The following CIBAR1 variants were observed in gnomAD, a reference collection of about 807,000 sequenced individuals.
CIBAR1 encodes CBY1-interacting BAR domain-containing protein 1.
CIBAR1 carries 25 observed loss-of-function variants against 44.0 expected under a neutral mutation model. The observed-to-expected ratio is 0.57, with a 90% CI of 0.41 to 0.79. The LOEUF is 0.79. CIBAR1 is among the 30% of genes least tolerant of loss of function. CIBAR1 has a pLI of 0.00. For synonymous variants in CIBAR1, 115 were observed against 119.0 expected, an observed-to-expected ratio of 0.97 and a Z score of 0.22; for missense variants, 278 against 344.8, an observed-to-expected ratio of 0.81 and a Z score of 1.53.
intron 5 of CIBAR1, among the ~76,000 whole-genome samples, chr8:93,709,272 C>T (rs1436751300): frequency 6.6e-6 from 1 of 151,904 alleles, no homozygotes; most frequent in East Asian, 1.9e-4. Context: ...AAGAGCAAAA[C>T]TCTATCTCAA....
At chr8:93,724,017 C>T (rs1198623873) in intron 7 of CIBAR1, among the ~76,000 whole-genome samples, 1 of 152,028 alleles carries the variant, frequency 6.6e-6, no homozygotes, top group East Asian at 1.9e-4. Context: ...GGATTGCTTG[C>T]GGCCAGGAGT....
chr8:93,715,176 A>G (rs1405356905), intron 6 of CIBAR1, among the ~76,000 whole-genome samples: 3 of 152,248 alleles, frequency 2.0e-5, no homozygotes, highest in African/African-American at 7.2e-5. Flanking sequence ...ATCGGCTGGC[A>G]TAGAACTTAG....
At position 93,705,010 on chromosome 8, in the gene CIBAR1, T is replaced by C; in HGVS notation, c.432T>C (p.Ile144=). The change falls in exon 4 of 9, where the codon ATT becomes ATC. Residue 144 remains isoleucine, a splice_region_variant and synonymous_variant. Coordinates refer to ENST00000518322, the MANE Select transcript of CIBAR1 (RefSeq NM_145269.5). ...GAAACCCATCTGATCGACATGTTAT[T>C]GTATCCTTTGAATTTGGGTCTTTAA... ...RQRNPSDRHV[I]SQAETELQRA... 2 of 1,607,356 alleles carry C rather than the reference T, an allele frequency of 1.2e-6. No homozygotes were observed. The highest frequency in any genetic ancestry group is 1.7e-6 in the Non-Finnish European group (2 of 1,174,554).
At chr8:93,727,310 T>G in intron 8 of CIBAR1, 1 of 708,762 alleles carries the variant, frequency 1.4e-6, no homozygotes, top group Non-Finnish European at 2.0e-6. Context: ...TTGTTTTATA[T>G]GTATGTATCT....
At chr8:93,701,674 T>G (rs1191372845) in intron 2 of CIBAR1, 1 of 543,890 alleles carries the variant, frequency 1.8e-6, no homozygotes, top group Non-Finnish European at 3.2e-6. Flanking sequence ...CATCTTGAGG[T>G]CTTGAATTTC....
chr8:93,716,890 C>G (rs1016743020), intron 6 of CIBAR1, among the ~76,000 whole-genome samples: 6 of 152,172 alleles, frequency 3.9e-5, no homozygotes, highest in African/African-American at 1.4e-4. Context: ...ATATCCTATA[C>G]GCTGGAGAGC....
chr8:93,722,638 G>A (rs1811310968), intron 7 of CIBAR1, among the ~76,000 whole-genome samples: 3 of 152,122 alleles, frequency 2.0e-5, no homozygotes, highest in African/African-American at 7.2e-5. Flanking sequence ...GGCAGAGGTT[G>A]CAGTGAGCTG....
rs544300053 is a variant in CIBAR1 at position 93,728,823 on chromosome 8, C to T, written c.*526C>T. On this transcript the variant is annotated 3_prime_UTR_variant, in exon 9 of 9. Transcript: ENST00000518322. ...TAACCAAAGAGTAAAGATAATGTGA[C>T]ACTAAGTTATCAATGTTTTATGAAT... is the stretch of plus-strand genomic sequence containing the variant. 3.9e-5 allele frequency: 6 copies of T among 152,074 alleles called. No individual in the cohort carries two copies. In the East Asian group the frequency reaches 1.2e-3, roughly 29 times the overall value. The allele number at this position is 152,074 out of a possible 1,614,324, so 9.4% of individuals were successfully genotyped here. A position where few individuals can be genotyped will look rare whatever the true frequency, so the allele number is the denominator to read the frequency against.
intron 6 of CIBAR1, among the ~76,000 whole-genome samples, chr8:93,717,089 A>C (rs527792999): frequency 6.6e-6 from 1 of 152,122 alleles, no homozygotes; most frequent in African/African-American, 2.4e-5. Context: ...ACCCAAGGGA[A>C]CCTCCTCCCT....
In CIBAR1 at chr8:93,730,595, G is replaced by C. The variant is rs1049847422; in HGVS notation, c.*2298G>C. On this transcript the variant is annotated 3_prime_UTR_variant, in exon 9 of 9. Coordinates refer to ENST00000518322, the MANE Select transcript of CIBAR1 (RefSeq NM_145269.5). ...TTTTTTTATATTTGAAATTGATGAG[G>C]TGCTGGGAAGCTGGCTTTCTGAGGG... 6.6e-6 allele frequency: 1 copy of C among 152,064 alleles called. No homozygotes were observed. Among genetic ancestry groups the C allele is most frequent in the African/African-American group, 2.4e-5 (1 of 41,392 alleles). The allele number at this position is 152,064 out of a possible 1,614,324, so 9.4% of individuals were successfully genotyped here. A position where few individuals can be genotyped will look rare whatever the true frequency, so the allele number is the denominator to read the frequency against.
Position 93,729,814 on chromosome 8 carries a change from TACAACA to T in CIBAR1, c.*1525_*1530del, listed in dbSNP as rs985915930. On this transcript the variant is annotated 3_prime_UTR_variant, in exon 9 of 9. Coordinates refer to ENST00000518322, the MANE Select transcript of CIBAR1 (RefSeq NM_145269.5). ...GTGAAAAACCATTCCTAGCTTCCAC[TACAACA>T]ACAACAAAAAACAGGCAACCAATCC... 6.6e-6 allele frequency: 1 copy of T among 152,120 alleles called. No individual in the cohort carries two copies. Among genetic ancestry groups the T allele is most frequent in the Non-Finnish European group, 1.5e-5 (1 of 68,014 alleles). The allele number at this position is 152,120 out of a possible 1,614,324, so 9.4% of individuals were successfully genotyped here.
chr8:93,730,719 G>A lies in CIBAR1; in HGVS notation c.*2422G>A, dbSNP rs989511145. ...AATTTGTTATTGACATATCACTAAA[G>A]GCAGAGTTGGAGAGAGATGTGCAAA... On this transcript the variant is annotated 3_prime_UTR_variant, in exon 9 of 9. Transcript: ENST00000518322. 6.7e-6 allele frequency: 1 copy of A among 150,156 alleles called. No individual in the cohort carries two copies. The highest frequency in any genetic ancestry group is 1.5e-5 in the Non-Finnish European group (1 of 67,482). The allele number at this position is 150,156 out of a possible 1,614,324, so 9.3% of individuals were successfully genotyped here.
At chr8:93,717,238 A>C (rs1350617117) in intron 6 of CIBAR1, among the ~76,000 whole-genome samples, 1 of 152,256 alleles carries the variant, frequency 6.6e-6, no homozygotes, top group Non-Finnish European at 1.5e-5. Context: ...ACACTCAAGA[A>C]AACCTGACTC....
chr8:93,718,831 G>A, intron 7 of CIBAR1, 43 bp downstream of exon 7: 2 of 1,182,490 alleles, frequency 1.7e-6, no homozygotes, highest in South Asian at 1.6e-5. Context: ...TGTTAATGTG[G>A]AAATATTTAA....
rs149552672 is a variant in CIBAR1 at position 93,713,033 on chromosome 8, C to CTTTTTTTTTTTTTT, written c.543+3161_543+3174dup. On this transcript the variant is annotated intron_variant, in intron 6 of 8. Coordinates refer to ENST00000518322, the MANE Select transcript of CIBAR1 (RefSeq NM_145269.5). ...TTACCCTTTTTTTCTCCTTTTTTTTCTTTTTTTTTTTTTTTTCGAGACAGA... is the reference window on the plus strand; with the variant it reads ...TTACCCTTTTTTTCTCCTTTTTTTTCTTTTTTTTTTTTTTTTTTTTTTTTTTTTTTCGAGACAGA... Among the ~76,000 whole-genome samples, 8 of 128,834 alleles carry CTTTTTTTTTTTTTT rather than the reference C, an allele frequency of 6.2e-5. 2 individuals are homozygous for CTTTTTTTTTTTTTT. The highest frequency in any genetic ancestry group is 7.8e-5 in the Non-Finnish European group (5 of 63,780). The allele number at this position is 128,834 out of a possible 152,430, so 84.5% of individuals were successfully genotyped here.
chr8:93,701,535 C>T, intron 2 of CIBAR1, 77 bp downstream of exon 2: 1 of 1,253,352 alleles, frequency 8.0e-7, no homozygotes. Context: ...GAAACTTTCA[C>T]TTGTAATCTA....
At chr8:93,723,292 G>A (rs766925928) in intron 7 of CIBAR1, among the ~76,000 whole-genome samples, 7 of 152,144 alleles carry the variant, frequency 4.6e-5, no homozygotes, top group East Asian at 1.9e-4. Context: ...CACGGTGCCC[G>A]GCCCAAGTCA....
At chr8:93,710,314 CAG>C (rs953713690) in intron 6 of CIBAR1, among the ~76,000 whole-genome samples, 2 of 144,542 alleles carry the variant, frequency 1.4e-5, no homozygotes, top group African/African-American at 5.0e-5. Flanking sequence ...AAAAAGAAAA[CAG>C]AAAAAGCAAA....
intron 5 of CIBAR1, 113 bp downstream of exon 5, chr8:93,708,129 A>G: frequency 5.9e-6 from 4 of 681,310 alleles, no homozygotes; most frequent in Non-Finnish European, 4.4e-6. Context: ...TCACAGTATT[A>G]CTTATCACAG....
Sources: gnomAD v4.1 joint callset for allele counts (sites outside exome capture counted in the v4.1 genomes callset) on GRCh38, gnomAD v4.1.1 for gene constraint, MANE v1.5 for transcripts, NCBI Gene and HGNC (gene_info 2026-07-23, HGNC 2026-07-21) for gene names.